Variants in KLHL20 observed in about 807,000 individuals in gnomAD.
KLHL20 encodes kelch-like protein 20.
Under a neutral mutation model 69.5 loss-of-function variants are expected in KLHL20, and 29 were observed. The observed-to-expected ratio is 0.42, with a 90% CI of 0.31 to 0.57. The LOEUF is 0.57. KLHL20 is among the 20% of genes least tolerant of loss of function. The pLI is 0.18. For synonymous variants in KLHL20, 253 were observed against 265.2 expected (o/e 0.95, Z 0.45); for missense variants, 419 against 776.0 (o/e 0.54, Z 5.47).
At chr1:173,763,557 G>C (rs1647456123) in intron 7 of KLHL20, among the ~76,000 whole-genome samples, 2 of 152,114 alleles carry the variant, frequency 1.3e-5, no homozygotes, top group Non-Finnish European at 2.9e-5. Context: ...CAATGGAACA[G>C]AATAGAGAAC....
chr1:173,730,344 T>G (rs1672204296), intron 2 of KLHL20, among the ~76,000 whole-genome samples: 1 of 152,098 alleles, frequency 6.6e-6, no homozygotes, highest in African/African-American at 2.4e-5. Flanking sequence ...ACCAATGACT[T>G]TCTTCACAGA....
intron 7 of KLHL20, among the ~76,000 whole-genome samples, chr1:173,763,685 T>G (rs1281859718): frequency 6.6e-6 from 1 of 152,082 alleles, no homozygotes; most frequent in Non-Finnish European, 1.5e-5. Context: ...GCTAGCCACA[T>G]GTAAGAAAAC....
At chr1:173,758,774 A>G (rs1434141181) in intron 7 of KLHL20, among the ~76,000 whole-genome samples, 1 of 152,200 alleles carries the variant, frequency 6.6e-6, no homozygotes, top group South Asian at 2.1e-4. Context: ...ACAGGGATCC[A>G]TTGGGAGGGT....
At chr1:173,738,271 C>T (rs190507307) in intron 3 of KLHL20, among the ~76,000 whole-genome samples, 43 of 152,266 alleles carry the variant, frequency 2.8e-4, no homozygotes, top group African/African-American at 9.6e-4. Flanking sequence ...AGGGCACAAG[C>T]GATCCTCCCG....
At chr1:173,782,454 T>C (rs960205652) in intron 11 of KLHL20, among the ~76,000 whole-genome samples, 1 of 151,978 alleles carries the variant, frequency 6.6e-6, no homozygotes, top group African/African-American at 2.4e-5. Context: ...TAATTAGAGA[T>C]GGGTAAAATA....
intron 7 of KLHL20, among the ~76,000 whole-genome samples, chr1:173,760,485 A>T (rs964488148): frequency 1.3e-5 from 2 of 152,220 alleles, no homozygotes; most frequent in Admixed American, 1.3e-4. Context: ...AGGGTAACTT[A>T]TAAAGGAAAA....
At chr1:173,726,564 G>T (rs771785379) in intron 2 of KLHL20, among the ~76,000 whole-genome samples, 1 of 152,120 alleles carries the variant, frequency 6.6e-6, no homozygotes. Context: ...CCAGAGGAAC[G>T]ATCAGGCAGC....
chr1:173,754,250 T>A (rs1673436575), intron 5 of KLHL20, among the ~76,000 whole-genome samples: 1 of 152,184 alleles, frequency 6.6e-6, no homozygotes, highest in Non-Finnish European at 1.5e-5. Flanking sequence ...TTTTTCAGTT[T>A]ACCATAGACT....
intron 3 of KLHL20, chr1:173,741,809 G>A: frequency 1.5e-5 from 24 of 1,570,766 alleles, no homozygotes; most frequent in Non-Finnish European, 2.1e-5. Context: ...AAATCACCAT[G>A]GTCTTTAGCC....
Position 173,753,194 on chromosome 1 carries a change from G to T in KLHL20, c.757-19G>T. 6.3e-7 allele frequency: 1 copy of T among 1,576,838 alleles called. No individual in the cohort carries two copies. The highest frequency in any genetic ancestry group is 2.2e-5 in the East Asian group (1 of 44,626). On this transcript the variant is annotated intron_variant, in intron 4 of 11. Transcript: ENST00000209884. The stretch of plus-strand genomic sequence containing the variant: ...CTCAAAATTAATTAATTAAAATAAT[G>T]GTGTTTATTTTCTCATAGGTGCTGC...
intron 3 of KLHL20, among the ~76,000 whole-genome samples, chr1:173,741,157 G>A (rs1452065145): frequency 3.3e-5 from 5 of 152,056 alleles, no homozygotes; most frequent in Admixed American, 6.6e-5. Context: ...ACAGTTTTTT[G>A]GCTTTCAGAT....
At chr1:173,724,671 G>A (rs1277031397) in intron 2 of KLHL20, among the ~76,000 whole-genome samples, 10 of 152,122 alleles carry the variant, frequency 6.6e-5, no homozygotes, top group Non-Finnish European at 1.5e-4. Flanking sequence ...CAGGCATGGT[G>A]ACTCACACCT....
intron 10 of KLHL20, among the ~76,000 whole-genome samples, chr1:173,777,950 C>T (rs1462549335): frequency 6.6e-6 from 1 of 152,154 alleles, no homozygotes; most frequent in African/African-American, 2.4e-5. Flanking sequence ...AGTGTTACCT[C>T]TTCCTCTATG....
At chr1:173,730,168 T>G (rs1436967129) in intron 2 of KLHL20, among the ~76,000 whole-genome samples, 1 of 152,162 alleles carries the variant, frequency 6.6e-6, no homozygotes, top group East Asian at 1.9e-4. Flanking sequence ...ACAAGGGATG[T>G]GAAGGATCTC....
chr1:173,743,365 A>G (rs1474062398), intron 3 of KLHL20, among the ~76,000 whole-genome samples: 2 of 151,970 alleles, frequency 1.3e-5, no homozygotes, highest in African/African-American at 4.8e-5. Context: ...TTACCTTGTC[A>G]TTCTTTCCTT....
intron 1 of KLHL20, chr1:173,715,715 A>G: frequency 3.3e-6 from 1 of 303,930 alleles, no homozygotes; most frequent in Non-Finnish European, 6.1e-6. Context: ...TCGAGATCAC[A>G]GTTAAATATC....
intron 7 of KLHL20, among the ~76,000 whole-genome samples, chr1:173,759,065 C>A (rs1397600605): frequency 6.6e-6 from 1 of 152,086 alleles, no homozygotes; most frequent in African/African-American, 2.4e-5. Flanking sequence ...TGAGACCAGC[C>A]CTTCAGTTTG....
rs374519379 is a variant in KLHL20, at chr1:173,769,531, A to G, written c.1295+3242A>G. The stretch of plus-strand genomic sequence containing the variant: ...GGACTAGGCGCTGTGGCTCACACCC[A>G]TAATCCCAACACTTTGGGAGGCCTA... On this transcript the variant is annotated intron_variant, in intron 8 of 11. Transcript: ENST00000209884. Among the ~76,000 whole-genome samples, 22 of 152,250 alleles carry G rather than the reference A, an allele frequency of 1.4e-4. No individual in the cohort carries two copies. In the East Asian group the frequency reaches 2.7e-3, roughly 19 times the overall value.
intron 8 of KLHL20, among the ~76,000 whole-genome samples, chr1:173,773,113 G>A (rs1010921025): frequency 2.6e-5 from 4 of 151,956 alleles, no homozygotes; most frequent in African/African-American, 7.3e-5. Flanking sequence ...GATGAATGCC[G>A]CTATGCCTGG....
Sources: gnomAD v4.1 joint callset for allele counts (sites outside exome capture counted in the v4.1 genomes callset) on GRCh38, gnomAD v4.1.1 for gene constraint, MANE v1.5 for transcripts, NCBI Gene and HGNC (gene_info 2026-07-23, HGNC 2026-07-21) for gene names.